HELZ2: variants seen among roughly 807,000 people sequenced by gnomAD.
HELZ2 encodes the protein helicase with zinc finger 2, also known as 3'-5' exoribonuclease HELZ2.
A neutral mutation model predicts 208.8 loss-of-function variants in HELZ2; 143 were observed. That is an observed-to-expected ratio of 0.68 (90% confidence interval 0.60 to 0.79). HELZ2 has a LOEUF of 0.79. HELZ2 is among the 30% of genes least tolerant of loss of function. HELZ2 has a pLI of 0.00. For synonymous variants in HELZ2, 1,705 were observed against 1,693.7 expected, an observed-to-expected ratio of 1.01 and a Z score of -0.16; for missense variants, 3,690 against 3,794.5, an observed-to-expected ratio of 0.97 and a Z score of 0.72.
intron 14 of HELZ2, 50 bp from the exon 16 acceptor site, chr20:63,560,979 C>T (rs773462895): frequency 1.2e-6 from 2 of 1,601,672 alleles, no homozygotes; most frequent in Middle Eastern, 1.7e-4. Flanking sequence ...CCAGAGGGAC[C>T]CCAGCCCCAC....
chr20:63,572,572 A>G (rs566666711), upstream of HELZ2: 149 of 613,612 alleles, frequency 2.4e-4, no homozygotes, highest in Admixed American at 3.6e-4. Flanking sequence ...CTCCGTGCTC[A>G]GGGCACTGCC....
intron 6 of HELZ2, 72 bp from the exon 8 acceptor site, chr20:63,566,525 G>T: frequency 8.8e-7 from 1 of 1,139,842 alleles, no homozygotes; most frequent in Non-Finnish European, 1.2e-6. Context: ...CAAGGAGAGG[G>T]CACCCCCACC....
exon 8 of HELZ2, chr20:63,565,777 G>A (rs1246062990): frequency 6.2e-7 from 1 of 1,600,560 alleles, no homozygotes; most frequent in Non-Finnish European, 8.5e-7. Flanking sequence ...TCTGCGCTGT[G>A]GTTGCCGTGA....
chr20:63,570,601 G>A, exon 3 of HELZ2: 1 of 1,609,248 alleles, frequency 6.2e-7, no homozygotes. Context: ...TCCATCAAGG[G>A]TCTCTGCCAG....
chr20:63,564,825 G>T, exon 8 of HELZ2: 1 of 1,610,220 alleles, frequency 6.2e-7, no homozygotes, highest in Non-Finnish European at 8.5e-7. Flanking sequence ...TCCTCTCGGC[G>T]GCCGGCAACC....
rs1312798385 is a variant in HELZ2, at chr20:63,564,648, G to A, written c.4174C>T (p.Gln1392Ter). 82 of 1,567,274 alleles carry A rather than the reference G, an allele frequency of 5.2e-5. No individual in the cohort carries two copies. The highest frequency in any genetic ancestry group is 7.0e-5 in the Non-Finnish European group (81 of 1,155,744). The change falls in exon 8 of 19, where the codon CAG (glutamine) becomes TAG (stop). Residue 1392 changes from glutamine (Q) to a stop codon, truncating the protein, a stop_gained. Transcript: ENST00000467148. LOFTEE classifies it high-confidence loss of function. ...CCGGGGGCATAGAACGCAGCGCCCT[G>A]CCTTCGCGCCTCCACGTCCAGCACC... is the stretch of plus-strand genomic sequence containing the variant.
At position 63,565,257 on chromosome 20, in the gene HELZ2, C is replaced by T. The variant is rs768825174; in HGVS notation, c.3565G>A (p.Gly1189Ser). 2 of 1,606,432 alleles carry T rather than the reference C, an allele frequency of 1.2e-6. No homozygotes were observed. Among genetic ancestry groups the T allele is most frequent in the Non-Finnish European group, 1.7e-6 (2 of 1,177,400 alleles). ...CTCTTCAGCACGCCCAGCACGCGGC[C>T]CCGAAGCCGCCCCTCGGGCGCCTTG... Residue 1189 changes from glycine (G) to serine (S), a missense_variant, in exon 8 of 19, where the codon GGC becomes AGC. By Grantham distance (56) the Gly-to-Ser change is moderately conservative. This residue lies in a region of HELZ2 where 2,564 missense variants were observed against 2,580.5 expected (regional missense o/e 0.99). Coordinates refer to ENST00000467148, the Ensembl canonical transcript of HELZ2.
In HELZ2 at chr20:63,569,142, G is replaced by A. The variant is rs1269286466; in HGVS notation, c.1088+6C>T. The A allele has an allele frequency of 1.3e-6, 2 of 1,563,334 alleles. No homozygotes were observed. Among genetic ancestry groups the A allele is most frequent in the African/African-American group, 1.4e-5 (1 of 72,804 alleles). On this transcript the variant is annotated splice_donor_region_variant and intron_variant, in intron 4 of 18. Transcript: ENST00000467148. ...ACCCCAGCTGCTCCTGTTGCCCCCA[G>A]CTCACTTGGCCACCAGCTGCTGCTG...
At chr20:63,562,713 G>C in exon 8 of HELZ2, 1 of 1,601,160 alleles carries the variant, frequency 6.2e-7, no homozygotes, top group Non-Finnish European at 8.5e-7. Flanking sequence ...TACGTGCCGG[G>C]GTCAACATTC....
chr20:63,560,138 C>T (rs1204055943), intron 17 of HELZ2, 33 bp downstream of exon 18: 1 of 1,550,944 alleles, frequency 6.4e-7, no homozygotes, highest in Non-Finnish European at 8.7e-7. Context: ...TGCGCCCACC[C>T]TCCCGGCCCC....
chr20:63,559,079 G>GC, downstream of HELZ2: 1 of 723,460 alleles, frequency 1.4e-6, no homozygotes, highest in South Asian at 2.0e-5. Context: ...GTGGGGACCG[G>GC]CCCTTGCCGT....
rs3810479 is a variant in HELZ2, at chr20:63,560,205, G to T, written c.7623C>A (p.Ala2541=). Reference sequence around the variant, plus strand: ...TGGTGATGGAGGACACGGCCACCCCGGCGATGCCCTCTCGCCGAAGGGCCT... The same window carrying T: ...TGGTGATGGAGGACACGGCCACCCCTGCGATGCCCTCTCGCCGAAGGGCCT... Residue 2541 remains alanine (A), a synonymous_variant, in exon 17 of 19, where the codon GCC becomes GCA. Coordinates refer to ENST00000467148, the Ensembl canonical transcript of HELZ2. 2.1e-5 allele frequency: 30 copies of T among 1,395,458 alleles called. No individual in the cohort carries two copies. The Admixed American group carries it at 2.4e-4, about 11-fold the overall frequency. The allele number at this position is 1,395,458 out of a possible 1,614,324, so 86.4% of individuals were successfully genotyped here.
downstream of HELZ2, chr20:63,559,153 C>T (rs1295840021): frequency 7.3e-7 from 1 of 1,370,524 alleles, no homozygotes; most frequent in Non-Finnish European, 9.7e-7. Flanking sequence ...GCAGGCTGGC[C>T]CAGGCAGGCT....
exon 8 of HELZ2, chr20:63,564,724 G>A (rs777924304): frequency 5.0e-6 from 8 of 1,610,170 alleles, no homozygotes; most frequent in East Asian, 2.2e-5. Flanking sequence ...CAGCCACCTC[G>A]CACCTGGGAC....
chr20:63,567,307 G>T lies in HELZ2; in HGVS notation c.2051C>A (p.Ala684Asp), dbSNP rs758081364. Residue 684 changes from alanine to aspartate, a missense_variant, in exon 6 of 19, where the codon GCC becomes GAC. Physicochemically the swap from Ala to Asp is moderately radical, Grantham distance 126. Coordinates refer to ENST00000467148, the Ensembl canonical transcript of HELZ2. ...CAGCACGAGGCGGGTGCCGTGCGAGGCATAGGCCAGCGGGGTGAGGGCCTC... is the reference window on the plus strand; with the variant it reads ...CAGCACGAGGCGGGTGCCGTGCGAGTCATAGGCCAGCGGGGTGAGGGCCTC... 53 of 1,609,930 alleles carry T rather than the reference G, an allele frequency of 3.3e-5. No individual in the cohort carries two copies. The highest frequency in any genetic ancestry group is 4.1e-5 in the Non-Finnish European group (48 of 1,179,070).
chr20:63,561,315 G>A, intron 13 of HELZ2, 35 bp downstream of exon 14: 6 of 1,612,534 alleles, frequency 3.7e-6, no homozygotes, highest in Non-Finnish European at 5.1e-6. Flanking sequence ...CCCCCATGCT[G>A]CAGGCAGCTC....
rs1293935238 is a variant in HELZ2 at position 63,563,733 on chromosome 20, C to A, written c.5089G>T (p.Ala1697Ser). 32 of 1,598,404 alleles carry A rather than the reference C, an allele frequency of 2.0e-5. No individual in the cohort carries two copies. Among genetic ancestry groups the A allele is most frequent in the African/African-American group, 2.7e-5 (2 of 74,688 alleles). Residue 1697 changes from alanine to serine, a missense_variant, in exon 8 of 19, where the codon GCC becomes TCC. By Grantham distance (99) the Ala-to-Ser change is moderately conservative (BLOSUM62 1). Coordinates refer to ENST00000467148, the Ensembl canonical transcript of HELZ2. ...CCATCGATGTCCCTGGCAGAGTAGG[C>A]AGAGCCCCCATGGCCCAGCGCCAGC... is the stretch of plus-strand genomic sequence containing the variant.
chr20:63,564,562 A>G, exon 8 of HELZ2: 2 of 1,568,446 alleles, frequency 1.3e-6, no homozygotes, highest in Non-Finnish European at 1.7e-6. Context: ...GGTCCCGGCC[A>G]GGCAGGAGGC....
downstream of HELZ2, chr20:63,558,976 A>T: frequency 2.8e-6 from 1 of 352,494 alleles, no homozygotes; most frequent in Non-Finnish European, 5.2e-6. Context: ...CTTCCCAGGG[A>T]CAGCAGAACT....
Sources: allele counts gnomAD v4.1 joint callset, GRCh38; gene constraint gnomAD v4.1.1; regional missense constraint gnomAD v4.1.1; transcripts MANE v1.5; gene names NCBI Gene and HGNC (gene_info 2026-07-23, HGNC 2026-07-21).